Variants in FRMPD4 observed in about 807,000 individuals in gnomAD.
FRMPD4 encodes the protein FERM and PDZ domain-containing protein 4.
A neutral mutation model predicts 94.1 loss-of-function variants in FRMPD4; 22 were observed. The observed-to-expected ratio is 0.23, with a 90% CI of 0.17 to 0.33. The LOEUF (loss-of-function observed/expected upper bound fraction) is 0.33. Ranked by LOEUF, FRMPD4 falls within the 10% of genes least tolerant of loss-of-function variation. The probability of loss-of-function intolerance (pLI) is 1.00; values close to 1 mark genes in which losing one functional copy is unlikely to be tolerated. For missense variants in FRMPD4, 1,111 were observed against 1,339.9 expected, an observed-to-expected ratio of 0.83 and a Z score of 2.67; for synonymous variants, 631 against 548.6, an observed-to-expected ratio of 1.15 and a Z score of -2.10.
intron 1 of FRMPD4, among the ~76,000 whole-genome samples, chrX:12,496,305 C>T (rs781155189): frequency 8.9e-6 from 1 of 111,975 alleles, no homozygotes; most frequent in South Asian, 3.7e-4. Flanking sequence ...AATCTGGCAA[C>T]CCTACCTGAA....
chrX:12,366,426 G>A (rs1214660588), intron 1 of FRMPD4, among the ~76,000 whole-genome samples: 1 of 111,078 alleles, frequency 9.0e-6, no homozygotes, highest in Non-Finnish European at 1.9e-5. Context: ...GATCATATTA[G>A]CAAAACATAA....
chrX:12,037,922 C>A (rs1601897149), intron 3 of FRMPD4, among the ~76,000 whole-genome samples: 1 of 111,775 alleles, frequency 8.9e-6, no homozygotes, highest in East Asian at 2.8e-4. Context: ...TTATTCTTTT[C>A]TATGATGAGT....
At chrX:12,479,369 T>C (rs868400023) in intron 1 of FRMPD4, among the ~76,000 whole-genome samples, 8 of 79,551 alleles carry the variant, frequency 1.0e-4, no homozygotes, top group Non-Finnish European at 2.0e-4. Flanking sequence ...CACACACACA[T>C]ATACATATAT....
chrX:11,869,578 T>G (rs2147304277), intron 2 of FRMPD4, among the ~76,000 whole-genome samples: 1 of 112,000 alleles, frequency 8.9e-6, no homozygotes, highest in African/African-American at 3.2e-5. Flanking sequence ...TTTGTACAAT[T>G]ATGATTTGTC....
At chrX:11,921,231 T>G (rs2054054510) in intron 3 of FRMPD4, among the ~76,000 whole-genome samples, 1 of 111,758 alleles carries the variant, frequency 8.9e-6, no homozygotes, top group Non-Finnish European at 1.9e-5. Flanking sequence ...ATTATCAAGG[T>G]GCCAGCAGGT....
chrX:12,165,835 G>A (rs911404902), intron 1 of FRMPD4, among the ~76,000 whole-genome samples: 1 of 111,064 alleles, frequency 9.0e-6, no homozygotes, highest in Non-Finnish European at 1.9e-5. Context: ...GTTCACTCAT[G>A]ATTTGGCTCT....
chrX:12,214,448 T>C (rs185402511), intron 1 of FRMPD4, among the ~76,000 whole-genome samples: 1 of 112,530 alleles, frequency 8.9e-6, no homozygotes, highest in East Asian at 2.8e-4. Context: ...TACCCTGTTG[T>C]AGATCATCTT....
intron 1 of FRMPD4, among the ~76,000 whole-genome samples, chrX:12,183,674 A>G (rs950156291): frequency 8.1e-5 from 9 of 111,368 alleles, no homozygotes; most frequent in African/African-American, 2.9e-4. Flanking sequence ...AAGATTTTAT[A>G]TATAGCGAGC....
At chrX:12,536,807 C>CA (rs768270949) in intron 2 of FRMPD4, among the ~76,000 whole-genome samples, 61 of 111,365 alleles carry the variant, frequency 5.5e-4, no homozygotes, top group African/African-American at 1.8e-3. Context: ...AGTTAAAAAA[C>CA]AAAAAAACAT....
At chrX:12,232,449 T>C (rs1276801602) in intron 1 of FRMPD4, among the ~76,000 whole-genome samples, 1 of 110,308 alleles carries the variant, frequency 9.1e-6, no homozygotes, top group East Asian at 2.9e-4. Context: ...GAACTTACTA[T>C]CTCGAGAACA....
At chrX:12,693,130 A>C (rs2060094027) in intron 8 of FRMPD4, among the ~76,000 whole-genome samples, 1 of 112,170 alleles carries the variant, frequency 8.9e-6, no homozygotes, top group Non-Finnish European at 1.9e-5. Context: ...ATGCATACAC[A>C]CACCACGGGA....
At chrX:12,675,363 T>G (rs1359823412) in intron 5 of FRMPD4, among the ~76,000 whole-genome samples, 3 of 109,812 alleles carry the variant, frequency 2.7e-5, no homozygotes, top group Non-Finnish European at 5.7e-5. Flanking sequence ...CAGAATTCGA[T>G]TTCAGCTATC....
chrX:12,433,123 C>T (rs2057027153), intron 1 of FRMPD4, among the ~76,000 whole-genome samples: 1 of 112,360 alleles, frequency 8.9e-6, no homozygotes, highest in African/African-American at 3.2e-5. Flanking sequence ...GTTGAGCATT[C>T]TATCTAAGCT....
At chrX:12,286,827 A>ATTT (rs1323080964) in intron 1 of FRMPD4, among the ~76,000 whole-genome samples, 1 of 111,605 alleles carries the variant, frequency 9.0e-6, no homozygotes, top group Admixed American at 9.5e-5. Flanking sequence ...TGGTCCATTG[A>ATTT]TTTTTTTCAT....
rs2042237572 is a variant in FRMPD4 at position 12,721,415 on chromosome X, C to G, written c.4846C>G (p.Leu1616Val). Residue 1616 changes from leucine (L) to valine (V), a missense_variant, in exon 17 of 17, where the codon CTG becomes GTG. Leu to Val is a conservative substitution (Grantham distance 32). Transcript: ENST00000675598. ...TGCAGCCCAAAATGATGCCAATGAG[C>G]TGCTCTGTCTCGTCAGGGCAACCAA... ...FLAAQNDANELLCLVRATKEK... is the reference protein window; with the variant it reads ...FLAAQNDANEVLCLVRATKEK... The G allele has an allele frequency of 5.3e-6, 4 of 753,725 alleles. No homozygotes were observed. The highest frequency in any genetic ancestry group is 3.1e-6 in the Non-Finnish European group (2 of 637,214). The allele number at this position is 753,725 out of a possible 1,213,427, so 62.1% of individuals were successfully genotyped here.
chrX:12,221,598 C>T (rs997912370), intron 1 of FRMPD4, among the ~76,000 whole-genome samples: 7 of 111,960 alleles, frequency 6.3e-5, no homozygotes, highest in African/African-American at 1.9e-4. Context: ...GTAGACTGTC[C>T]GACTGGAGTC....
Position 12,686,222 on chromosome X carries a change from A to G in FRMPD4, c.681+18A>G. ...CCATTAAGGTAAGATGACCTGGTAA[A>G]CTCTGTCCCTGGACGCTTTCAGGTA... On this transcript the variant is annotated intron_variant, in intron 7 of 16. Coordinates refer to ENST00000675598, the MANE Select transcript of FRMPD4 (RefSeq NM_001368397.1). 1 of 863,994 alleles carries G rather than the reference A, an allele frequency of 1.2e-6. No homozygotes were observed. The highest frequency in any genetic ancestry group is 1.7e-6 in the Non-Finnish European group (1 of 583,131). The allele number at this position is 863,994 out of a possible 1,213,427, so 71.2% of individuals were successfully genotyped here. A position where few individuals can be genotyped will look rare whatever the true frequency, so the allele number is the denominator to read the frequency against.
chrX:12,444,179 A>AG (rs2057169641), intron 1 of FRMPD4, among the ~76,000 whole-genome samples: 1 of 111,241 alleles, frequency 9.0e-6, no homozygotes, highest in Admixed American at 9.6e-5. Context: ...AGAGAAAGAA[A>AG]AAAAAAAATA....
chrX:12,233,440 G>T (rs1182613593), intron 1 of FRMPD4, among the ~76,000 whole-genome samples: 1 of 111,482 alleles, frequency 9.0e-6, no homozygotes, highest in Non-Finnish European at 1.9e-5. Context: ...CTATATGTTT[G>T]GGGGAGCTCA....
Sources: allele counts gnomAD v4.1 joint callset (sites outside exome capture counted in the v4.1 genomes callset), GRCh38; gene constraint gnomAD v4.1.1; transcripts MANE v1.5; gene names NCBI Gene and HGNC (gene_info 2026-07-23, HGNC 2026-07-21).